RCAN2: variants seen among roughly 807,000 people sequenced by gnomAD.
The protein encoded by RCAN2 is calcipressin-2.
A neutral mutation model predicts 23.6 loss-of-function variants in RCAN2; 9 were observed. The ratio of observed to expected loss-of-function variants is 0.38; its 90% CI spans 0.23 to 0.67. RCAN2 has a LOEUF of 0.67. Ranked by LOEUF, RCAN2 falls within the 30% of genes least tolerant of loss-of-function variation. The pLI is 0.51. For synonymous variants in RCAN2, 109 were observed against 115.7 expected (o/e 0.94, Z 0.37); for missense variants, 273 against 302.3 (o/e 0.90, Z 0.72).
At chr6:46,419,184 A>G (rs1356732684) in intron 2 of RCAN2, among the ~76,000 whole-genome samples, 1 of 152,194 alleles carries the variant, frequency 6.6e-6, no homozygotes, top group East Asian at 1.9e-4. Context: ...GTTTGAAACC[A>G]GCCACAGCGG....
intron 2 of RCAN2, among the ~76,000 whole-genome samples, chr6:46,336,196 T>C (rs908594027): frequency 1.3e-5 from 2 of 152,190 alleles, no homozygotes; most frequent in Admixed American, 1.3e-4. Flanking sequence ...GAAGTAACTT[T>C]AGAAGAACAG....
intron 1 of RCAN2, among the ~76,000 whole-genome samples, chr6:46,486,428 A>C (rs1357508380): frequency 6.6e-6 from 1 of 152,184 alleles, no homozygotes; most frequent in East Asian, 1.9e-4. Context: ...CAGCACCAGG[A>C]TTGAGATCCA....
intron 1 of RCAN2, among the ~76,000 whole-genome samples, chr6:46,464,479 T>G (rs1183516802): frequency 6.6e-6 from 1 of 152,176 alleles, no homozygotes. Flanking sequence ...CTCCTAGGGA[T>G]AAGACAAGCC....
intron 2 of RCAN2, among the ~76,000 whole-genome samples, chr6:46,452,814 A>G (rs566152149): frequency 6.6e-6 from 1 of 152,318 alleles, no homozygotes; most frequent in South Asian, 2.1e-4. Context: ...ATAAATACAT[A>G]TTTTGGAGAA....
At chr6:46,384,719 CA>C (rs1765697261) in intron 2 of RCAN2, among the ~76,000 whole-genome samples, 2 of 152,128 alleles carry the variant, frequency 1.3e-5, no homozygotes, top group Non-Finnish European at 1.5e-5. Flanking sequence ...TAAAACAGGT[CA>C]AACTTATCTA....
At chr6:46,474,067 A>C (rs1768643191) in intron 1 of RCAN2, among the ~76,000 whole-genome samples, 1 of 152,172 alleles carries the variant, frequency 6.6e-6, no homozygotes. Context: ...GGAGGTGGAC[A>C]TCAGAAGAAG....
chr6:46,270,467 C>T lies in RCAN2; in HGVS notation c.226-21571G>A, dbSNP rs1023122168. On this transcript the variant is annotated intron_variant, in intron 2 of 4. Transcript: ENST00000371374. ...CTGGCATCGTGGAGAAGGTGGGCCC[C>T]AGAGTCAGACTGAGCTTCTCGTCAA... Among the ~76,000 whole-genome samples, 3 of 152,154 alleles carry T rather than the reference C, an allele frequency of 2.0e-5. No individual in the cohort carries two copies. In the East Asian group the frequency reaches 5.8e-4, roughly 29 times the overall value.
chr6:46,274,859 A>G (rs1046454819), intron 2 of RCAN2, among the ~76,000 whole-genome samples: 8 of 152,166 alleles, frequency 5.3e-5, no homozygotes, highest in African/African-American at 1.7e-4. Flanking sequence ...AGAGCAGGAT[A>G]CCCAAGGAGA....
intron 2 of RCAN2, among the ~76,000 whole-genome samples, chr6:46,416,423 T>G (rs1766716226): frequency 1.3e-5 from 2 of 150,686 alleles, no homozygotes; most frequent in African/African-American, 4.9e-5. Flanking sequence ...AGTTTCATTT[T>G]TAATATAAAA....
At chr6:46,429,554 G>A (rs575040093) in intron 2 of RCAN2, among the ~76,000 whole-genome samples, 50 of 152,254 alleles carry the variant, frequency 3.3e-4, no homozygotes, top group African/African-American at 1.2e-3. Context: ...GAGAGAAATA[G>A]GTTCCATATG....
intron 2 of RCAN2, among the ~76,000 whole-genome samples, chr6:46,258,649 G>C (rs1259357003): frequency 6.6e-6 from 1 of 152,174 alleles, no homozygotes; most frequent in East Asian, 1.9e-4. Flanking sequence ...ACCTCTCTCA[G>C]TGGAGCAAGT....
rs528241806 is a variant in RCAN2 at position 46,280,578 on chromosome 6, G to A, written c.226-31682C>T. The stretch of plus-strand genomic sequence containing the variant: ...AGATACCCAATAACCATGTTATAAC[G>A]TAAATAACTAAGAGGGCTTTCTCTC... On this transcript the variant is annotated intron_variant, in intron 2 of 4. Coordinates refer to ENST00000371374, the MANE Select transcript of RCAN2 (RefSeq NM_001251974.2). Among the ~76,000 whole-genome samples, 29 of 152,200 alleles carry A rather than the reference G, an allele frequency of 1.9e-4. No homozygotes were observed. The South Asian group carries it at 5.6e-3, about 29-fold the overall frequency.
At chr6:46,328,674 G>A (rs1422709237) in intron 2 of RCAN2, among the ~76,000 whole-genome samples, 3 of 152,140 alleles carry the variant, frequency 2.0e-5, no homozygotes, top group African/African-American at 7.2e-5. Flanking sequence ...GCAGTGGCAC[G>A]ATCTCAGCTC....
At chr6:46,373,081 A>T (rs1442314558) in intron 2 of RCAN2, among the ~76,000 whole-genome samples, 1 of 152,182 alleles carries the variant, frequency 6.6e-6, no homozygotes, top group African/African-American at 2.4e-5. Context: ...AGCTACAGTG[A>T]GGGAGCCAGA....
intron 2 of RCAN2, among the ~76,000 whole-genome samples, chr6:46,302,980 C>T (rs1762952897): frequency 6.6e-6 from 1 of 151,988 alleles, no homozygotes; most frequent in Non-Finnish European, 1.5e-5. Context: ...CAGTCAACCA[C>T]TGCATATACT....
At chr6:46,481,521 TTC>T (rs1226993276) in intron 1 of RCAN2, among the ~76,000 whole-genome samples, 10 of 152,314 alleles carry the variant, frequency 6.6e-5, no homozygotes, top group Admixed American at 2.0e-4. Context: ...AGTAAAATAA[TTC>T]TTACTCTGAT....
intron 2 of RCAN2, among the ~76,000 whole-genome samples, chr6:46,364,118 C>T (rs901674052): frequency 2.0e-5 from 3 of 152,144 alleles, no homozygotes; most frequent in Admixed American, 6.5e-5. Flanking sequence ...CTAAGACACC[C>T]AATCATCATT....
chr6:46,425,110 A>G (rs911593256), intron 2 of RCAN2, among the ~76,000 whole-genome samples: 16 of 152,246 alleles, frequency 1.1e-4, no homozygotes, highest in African/African-American at 3.6e-4. Context: ...TGATCCTGTC[A>G]TCCACCAGGA....
intron 2 of RCAN2, among the ~76,000 whole-genome samples, chr6:46,295,274 T>C (rs1762690189): frequency 6.6e-6 from 1 of 152,034 alleles, no homozygotes; most frequent in South Asian, 2.1e-4. Context: ...ATAAGACAGA[T>C]CTGGGCCTGA....
Sources: gnomAD v4.1 joint callset for allele counts (sites outside exome capture counted in the v4.1 genomes callset) on GRCh38, gnomAD v4.1.1 for gene constraint, MANE v1.5 for transcripts, NCBI Gene and HGNC (gene_info 2026-07-23, HGNC 2026-07-21) for gene names.